The following METTL21A variants were observed in gnomAD, a reference collection of about 807,000 sequenced individuals.
METTL21A encodes the protein methyltransferase 21A, HSPA lysine, also known as protein N-lysine methyltransferase METTL21A.
In METTL21A, 22 loss-of-function variants were observed where a neutral mutation model predicts 20.9. The observed-to-expected ratio is 1.05, with a 90% CI of 0.75 to 1.50. The LOEUF is 1.50. Ranked by LOEUF, METTL21A falls within the 40% of genes most tolerant of loss-of-function variation. The pLI, the probability that METTL21A is intolerant of heterozygous loss-of-function variation, is 0.00. For missense variants in METTL21A, 271 were observed against 266.8 expected, an observed-to-expected ratio of 1.02 and a Z score of -0.11; for synonymous variants, 93 against 102.0, an observed-to-expected ratio of 0.91 and a Z score of 0.53.
At chr2:207,612,087 CTTTTTTTTTTTTTTT>C (rs57522071), downstream of METTL21A, 1 of 18,758 alleles carries the variant, frequency 5.3e-5, no homozygotes, top group Non-Finnish European at 9.0e-5. Flanking sequence ...ATTTCAGGTG[CTTTTTTTTTTTTTTT>C]TTTTTTTTTT....
chr2:207,593,460 G>T (rs757753310), intron 3 of METTL21A, among the ~76,000 whole-genome samples: 1 of 152,180 alleles, frequency 6.6e-6, no homozygotes, highest in East Asian at 1.9e-4. Flanking sequence ...AGCCTGGGAG[G>T]TCAAGGCTGC....
intron 3 of METTL21A, among the ~76,000 whole-genome samples, chr2:207,588,896 G>A (rs989959941): frequency 7.1e-6 from 1 of 140,378 alleles, no homozygotes; most frequent in South Asian, 2.3e-4. Context: ...TGTCGGGGGG[G>A]GTGTAGATTC....
chr2:207,614,424 T>C (rs77973981), intron 3 of METTL21A, among the ~76,000 whole-genome samples: 2,355 of 151,850 alleles, frequency 0.016, 31 homozygotes, highest in Non-Finnish European at 0.022. Context: ...ATTGCAAAGA[T>C]GACAAGATAC....
chr2:207,585,637 A>T (rs1451305804), intron 3 of METTL21A, among the ~76,000 whole-genome samples: 1 of 152,224 alleles, frequency 6.6e-6, no homozygotes, highest in Admixed American at 6.5e-5. Context: ...ATCTTAAGAA[A>T]ACTCAGCAAG....
intron 3 of METTL21A, among the ~76,000 whole-genome samples, chr2:207,590,109 A>G (rs1167586843): frequency 1.1e-4 from 13 of 117,610 alleles, no homozygotes; most frequent in Admixed American, 1.9e-4. Context: ...TTTTTTTTTA[A>G]TAGATACGGG....
In METTL21A at chr2:207,621,908, G is replaced by A. The variant is rs768871537; in HGVS notation, c.157C>T (p.Leu53Phe). Residue 53 changes from leucine to phenylalanine, a missense_variant, in exon 3 of 4, where the codon CTT becomes TTT. Leu to Phe is a conservative substitution (Grantham distance 22). Transcript: ENST00000406927. ...GCTCCCATCTCCAGGTATGTGGAAA[G>A]AACGATGGCCTGAATGAAAACACAG... 6 of 1,613,350 alleles carry A rather than the reference G, an allele frequency of 3.7e-6. No individual in the cohort carries two copies. The South Asian group carries it at 6.6e-5, about 18-fold the overall frequency.
At chr2:207,598,920 T>C (rs1283783152) in intron 3 of METTL21A, 20 of 181,250 alleles carry the variant, frequency 1.1e-4, no homozygotes, top group Non-Finnish European at 2.2e-4. Context: ...AAACTAATGT[T>C]TTATATTTAG....
At chr2:207,605,189 T>C (rs1036202903), downstream of METTL21A, among the ~76,000 whole-genome samples, 1 of 152,216 alleles carries the variant, frequency 6.6e-6, no homozygotes, top group South Asian at 2.1e-4. Flanking sequence ...CCACCATTGA[T>C]GTATGAGGGT....
chr2:207,589,443 T>C (rs1489431885), intron 3 of METTL21A, among the ~76,000 whole-genome samples: 1 of 152,112 alleles, frequency 6.6e-6, no homozygotes, highest in Non-Finnish European at 1.5e-5. Flanking sequence ...CCAAGATAAT[T>C]TTCCTATTTT....
chr2:207,613,801 T>C (rs1238944527), intron 3 of METTL21A, among the ~76,000 whole-genome samples: 1 of 151,528 alleles, frequency 6.6e-6, no homozygotes, highest in Non-Finnish European at 1.5e-5. Context: ...CTGGCCAACA[T>C]GGCCAACTAA....
Position 207,616,653 on chromosome 2 carries a change from T to A in METTL21A, c.260-3210A>T, listed in dbSNP as rs1367066988. Among the ~76,000 whole-genome samples, 7 of 152,298 alleles carry A rather than the reference T, an allele frequency of 4.6e-5. No homozygotes were observed. The East Asian group carries it at 1.4e-3, about 29-fold the overall frequency. On this transcript the variant is annotated intron_variant, in intron 3 of 3. Transcript: ENST00000406927. ...TGAGGTCAGGAGTTCGAGACCAGCC[T>A]GGCCAACATGATGAAACCCTGTCTC... is the stretch of plus-strand genomic sequence containing the variant.
At chr2:207,614,044 A>T (rs184555600) in intron 3 of METTL21A, among the ~76,000 whole-genome samples, 10 of 152,328 alleles carry the variant, frequency 6.6e-5, no homozygotes, top group African/African-American at 2.4e-4. Context: ...CCCATACTTT[A>T]TTCATTGGGT....
chr2:207,609,016 T>A (rs2088552641), downstream of METTL21A: 1 of 152,246 alleles, frequency 6.6e-6, no homozygotes. Flanking sequence ...TTCATATTCA[T>A]GGTGCAGTAC....
chr2:207,612,097 T>G (rs1241246995), downstream of METTL21A: 1 of 111,818 alleles, frequency 8.9e-6, no homozygotes, highest in Non-Finnish European at 1.9e-5. Flanking sequence ...CTTTTTTTTT[T>G]TTTTTTTTTT....
chr2:207,621,601 G>C (rs1488877935), intron 3 of METTL21A, among the ~76,000 whole-genome samples: 1 of 152,222 alleles, frequency 6.6e-6, no homozygotes, highest in Non-Finnish European at 1.5e-5. Context: ...GTGTGAGAGA[G>C]AGAGACAGAA....
At position 207,597,498 on chromosome 2, in the gene METTL21A, A is replaced by G. The variant is rs75550279; in HGVS notation, c.260-15338T>C. ...GCATGCATAAAGTAAGTAAGGTGCA[A>G]TGAAGAAGTGTTGATTGCCAAATTG... On this transcript the variant is annotated intron_variant, in intron 3 of 3. Transcript: ENST00000425132. 214 of 221,622 alleles carry G rather than the reference A, an allele frequency of 9.7e-4. 1 individual carries two copies. The highest frequency in any genetic ancestry group is 3.9e-3 in the African/African-American group (174 of 44,764). The allele number at this position is 221,622 out of a possible 1,614,324, so 13.7% of individuals were successfully genotyped here. A position where few individuals can be genotyped will look rare whatever the true frequency, so the allele number is the denominator to read the frequency against.
chr2:207,586,582 A>ATTTTAGTTTTTTAGCTTTTT (rs2083883724), intron 3 of METTL21A, among the ~76,000 whole-genome samples: 1 of 152,210 alleles, frequency 6.6e-6, no homozygotes, highest in African/African-American at 2.4e-5. Context: ...TTAAACTAAA[A>ATTTTAGTTTTTTAGCTTTTT]AGCTTCTGAA....
intron 3 of METTL21A, among the ~76,000 whole-genome samples, chr2:207,603,605 T>G (rs947707801): frequency 6.6e-6 from 1 of 152,326 alleles, no homozygotes; most frequent in Admixed American, 6.5e-5. Context: ...TCCCTAATTT[T>G]CAGGACAAAA....
At chr2:207,620,103 T>C (rs1360226844) in intron 3 of METTL21A, among the ~76,000 whole-genome samples, 1 of 152,172 alleles carries the variant, frequency 6.6e-6, no homozygotes, top group African/African-American at 2.4e-5. Context: ...TCATTTCCCC[T>C]TATAGTAACT....
Sources: gnomAD v4.1 joint callset for allele counts (sites outside exome capture counted in the v4.1 genomes callset) on GRCh38, gnomAD v4.1.1 for gene constraint, MANE v1.5 for transcripts, NCBI Gene and HGNC (gene_info 2026-07-23, HGNC 2026-07-21) for gene names.